Variants in CALCRL observed in about 807,000 individuals in gnomAD.
CALCRL encodes the protein calcitonin receptor like receptor.
A neutral mutation model predicts 60.4 loss-of-function variants in CALCRL; 27 were observed. The ratio of observed to expected loss-of-function variants is 0.45; its 90% CI spans 0.33 to 0.62. The LOEUF (loss-of-function observed/expected upper bound fraction) is 0.62. Ranked by LOEUF, CALCRL falls within the 20% of genes least tolerant of loss-of-function variation. CALCRL has a pLI of 0.03. For missense variants in CALCRL, 424 were observed against 540.7 expected (o/e 0.78, Z 2.14); for synonymous variants, 190 against 182.6 (o/e 1.04, Z -0.33).
chr2:187,360,873 T>C, intron 9 of CALCRL, 122 bp from the exon 10 acceptor site: 1 of 819,796 alleles, frequency 1.2e-6, no homozygotes, highest in Non-Finnish European at 1.8e-6. Context: ...TATACATTAA[T>C]GATTAGGATT....
In CALCRL at chr2:187,379,543, T is replaced by C. The variant is rs115314610; in HGVS notation, c.409-512A>G. 7.0e-3 allele frequency among the ~76,000 whole-genome samples: 1,064 copies of C among 152,244 alleles called. 13 individuals are homozygous for C. The highest frequency in any genetic ancestry group is 0.025 in the African/African-American group (1,019 of 41,556). On this transcript the variant is annotated intron_variant, in intron 7 of 14. Transcript: ENST00000392370. ...ATCTGTACAAATGTGTTCTTTCTCA[T>C]GGTTTTCACTTTTTTATTTTTATTT...
chr2:187,379,305 C>T (rs1687894207), intron 7 of CALCRL, among the ~76,000 whole-genome samples: 1 of 151,808 alleles, frequency 6.6e-6, no homozygotes, highest in Non-Finnish European at 1.5e-5. Flanking sequence ...AATATTAAAT[C>T]TATGAGGCAA....
chr2:187,387,991 G>C (rs79546381), intron 1 of CALCRL, among the ~76,000 whole-genome samples: 4 of 151,782 alleles, frequency 2.6e-5, no homozygotes, highest in Non-Finnish European at 2.9e-5. Flanking sequence ...GAACACACTT[G>C]GTCTAGAAAT....
Position 187,351,944 on chromosome 2 carries a change from G to C in CALCRL, c.1146C>G (p.Thr382=). The C allele has an allele frequency of 6.3e-7, 1 of 1,591,932 alleles. No individual in the cohort carries two copies. The highest frequency in any genetic ancestry group is 1.1e-5 in the South Asian group (1 of 89,924). Residue 382 remains threonine, a synonymous_variant, in exon 14 of 15, where the codon ACC becomes ACG. Transcript: ENST00000392370. ...CCTCTCCATTAAAGAAGCAGAAAAT[G>C]GTAGAGACCAAAAGACCCTGTAAAA... ...LMHFQGLLVS[T]IFCFFNGEVQ...
At chr2:187,382,249 G>A (rs1688012028) in intron 5 of CALCRL, among the ~76,000 whole-genome samples, 1 of 152,050 alleles carries the variant, frequency 6.6e-6, no homozygotes. Context: ...ACACAAAGTT[G>A]AAATAAAAAT....
chr2:187,350,616 A>G (rs1686487668), intron 14 of CALCRL, among the ~76,000 whole-genome samples: 1 of 142,062 alleles, frequency 7.0e-6, no homozygotes, highest in Non-Finnish European at 1.5e-5. Context: ...AACTTGAGAT[A>G]TATTTTAATT....
chr2:187,380,311 C>T (rs1687931635), intron 7 of CALCRL, among the ~76,000 whole-genome samples, 156 bp downstream of exon 7: 1 of 152,042 alleles, frequency 6.6e-6, no homozygotes. Context: ...ATTTTTTCCA[C>T]GGATATATTT....
chr2:187,426,098 G>C (rs758051942), intron 1 of CALCRL, among the ~76,000 whole-genome samples: 13 of 151,358 alleles, frequency 8.6e-5, no homozygotes, highest in Non-Finnish European at 1.6e-4. Flanking sequence ...CCCTGAAAGA[G>C]AGCCAGGAAA....
At chr2:187,402,683 C>A (rs1403018461) in intron 1 of CALCRL, among the ~76,000 whole-genome samples, 1 of 151,702 alleles carries the variant, frequency 6.6e-6, no homozygotes, top group East Asian at 1.9e-4. Flanking sequence ...AACTGCTACA[C>A]TGAGCAATGT....
chr2:187,366,920 C>A (rs1511875), intron 8 of CALCRL, among the ~76,000 whole-genome samples: 17,957 of 97,316 alleles, frequency 0.18, 1,509 homozygotes, highest in Admixed American at 0.25. Flanking sequence ...GAGTATAACC[C>A]CACACACACA....
At chr2:187,425,236 A>G (rs937576580) in intron 1 of CALCRL, among the ~76,000 whole-genome samples, 9 of 151,988 alleles carry the variant, frequency 5.9e-5, no homozygotes, top group African/African-American at 2.2e-4. Flanking sequence ...ATAAATGTTG[A>G]CAACTTATGT....
intron 1 of CALCRL, among the ~76,000 whole-genome samples, chr2:187,407,905 C>T (rs975425716): frequency 7.9e-5 from 12 of 152,200 alleles, no homozygotes; most frequent in African/African-American, 2.9e-4. Flanking sequence ...ACTTGTTTTG[C>T]ATGGTGCATT....
intron 1 of CALCRL, 99 bp from the exon 2 acceptor site, chr2:187,387,855 T>A (rs1688271815): frequency 8.1e-6 from 3 of 371,194 alleles, no homozygotes; most frequent in Non-Finnish European, 1.4e-5. Context: ...GCTACTAAGA[T>A]CATATTTTTA....
chr2:187,399,957 G>A (rs1688815606), intron 1 of CALCRL, among the ~76,000 whole-genome samples: 1 of 151,412 alleles, frequency 6.6e-6, no homozygotes, highest in Non-Finnish European at 1.5e-5. Flanking sequence ...AGCAGGGAGA[G>A]AGTGATATGG....
intron 8 of CALCRL, among the ~76,000 whole-genome samples, chr2:187,364,951 T>C (rs1370651153): frequency 5.9e-5 from 9 of 152,174 alleles, no homozygotes; most frequent in Non-Finnish European, 1.0e-4. Flanking sequence ...GCTAGTATTT[T>C]CATATTAAAG....
intron 1 of CALCRL, among the ~76,000 whole-genome samples, chr2:187,429,166 C>T (rs1690288552): frequency 6.6e-6 from 1 of 151,810 alleles, no homozygotes; most frequent in African/African-American, 2.4e-5. Context: ...TAGCCAGAGA[C>T]ATTTCCCTTT....
chr2:187,346,444 A>G, intron 14 of CALCRL, 45 bp from the exon 15 acceptor site: 1 of 1,387,430 alleles, frequency 7.2e-7, no homozygotes, highest in Non-Finnish European at 1.0e-6. Flanking sequence ...CAACCCATTA[A>G]TTGAAATGAA....
intron 1 of CALCRL, chr2:187,415,657 A>G: frequency 3.3e-6 from 2 of 598,730 alleles, no homozygotes; most frequent in Non-Finnish European, 6.3e-6. Flanking sequence ...CCTCAAGGAC[A>G]TTCTGGGCTA....
At chr2:187,429,871 G>GTTATAA (rs67751580) in intron 1 of CALCRL, among the ~76,000 whole-genome samples, 1 of 151,526 alleles carries the variant, frequency 6.6e-6, no homozygotes, top group Non-Finnish European at 1.5e-5. Context: ...TCTCAAACAT[G>GTTATAA]TTATAAGTTG....
Sources: gnomAD v4.1 joint callset for allele counts (sites outside exome capture counted in the v4.1 genomes callset) on GRCh38, gnomAD v4.1.1 for gene constraint, MANE v1.5 for transcripts, NCBI Gene and HGNC (gene_info 2026-07-23, HGNC 2026-07-21) for gene names.